FLG: variants seen among roughly 807,000 people sequenced by gnomAD.
FLG encodes the protein filaggrin, also known as epidermal filaggrin.
Under a neutral mutation model 3.8 loss-of-function variants are expected in FLG, and 6 were observed. That is an observed-to-expected ratio of 1.60 (90% CI 0.87 to 3.15). The LOEUF (loss-of-function observed/expected upper bound fraction) is 3.15, where lower values mean the gene tolerates loss of function less well. Among genes scored for constraint, FLG ranks in the 30% most tolerant of loss-of-function variants. FLG has a pLI of 0.00. For synonymous variants in FLG, 2,551 were observed against 1,931.6 expected (o/e 1.32, Z -8.41); for missense variants, 7,595 against 5,050.9 (o/e 1.50, Z -15.27).
In FLG at chr1:152,309,626, G is replaced by A. The variant is rs769696694; in HGVS notation, c.5260C>T (p.Gln1754Ter). 27 of 1,613,868 alleles carry A rather than the reference G, an allele frequency of 1.7e-5. No homozygotes were observed. Among genetic ancestry groups the A allele is most frequent in the Non-Finnish European group, 1.4e-5 (17 of 1,179,990 alleles). ...GAACGTCCAGACCTTTCCCCTGACT[G>A]GCCACGTGTGGACTCTTGGTGGCTC... The part of the protein sequence containing the change: ...QQSHQESTRG[Q>*]SGERSGRSGS... The change falls in exon 3 of 3, where the codon CAG (glutamine) becomes TAG (stop). Residue 1754 changes from glutamine (Q) to a stop codon, truncating the protein, a stop_gained. Coordinates refer to ENST00000368799, the MANE Select transcript of FLG (RefSeq NM_002016.2). LOFTEE classifies it low-confidence loss of function (END_TRUNC).
chr1:152,315,448 A>G lies in FLG; in HGVS notation c.9T>C (p.Thr3=). The change falls in exon 2 of 3, where the codon ACT becomes ACC. Residue 3 remains threonine (T), a synonymous_variant. Coordinates refer to ENST00000368799, the MANE Select transcript of FLG (RefSeq NM_002016.2). ...TTATGGCAAAGATGTTTTCCAGGAG[A>G]GTAGACATCTTTTGGCAATAAATGT... MS[T]LLENIFAIIN... 1.2e-6 allele frequency: 2 copies of G among 1,611,482 alleles called. No individual in the cohort carries two copies. The highest frequency in any genetic ancestry group is 1.7e-6 in the Non-Finnish European group (2 of 1,178,938).
rs778766819 is a variant in FLG at position 152,309,953 on chromosome 1, G to C, written c.4933C>G (p.His1645Asp). Reference sequence around the variant, plus strand: ...GATTGTCTGGAGCTCTCTGCAGAGTGCCCATGACTGGCTCTATCTTCTTGA... The same window carrying C: ...GATTGTCTGGAGCTCTCTGCAGAGTCCCCATGACTGGCTCTATCTTCTTGA... Reference protein sequence around the residue: ...SHQEDRASHGHSAESSRQSGT... With the variant: ...SHQEDRASHGDSAESSRQSGT... Residue 1645 changes from histidine to aspartate, a missense_variant, in exon 3 of 3, where the codon CAC becomes GAC. Physicochemically the swap from His to Asp is moderately conservative, Grantham distance 81. Coordinates refer to ENST00000368799, the MANE Select transcript of FLG (RefSeq NM_002016.2). 2 of 1,614,102 alleles carry C rather than the reference G, an allele frequency of 1.2e-6. No individual in the cohort carries two copies. The highest frequency in any genetic ancestry group is 2.2e-5 in the South Asian group (2 of 91,074).
Position 152,309,980 on chromosome 1 carries a change from G to A in FLG, c.4906C>T (p.His1636Tyr). ...CCATGACTGGCTCTATCTTCTTGAT[G>A]GGACCTGGGGTTCCTGGAGCCATGT... ...SRHGSRNPRS[H>Y]QEDRASHGHS... Residue 1636 changes from histidine (H) to tyrosine (Y), a missense_variant, in exon 3 of 3, where the codon CAT becomes TAT. Coordinates refer to ENST00000368799, the MANE Select transcript of FLG (RefSeq NM_002016.2). The A allele has an allele frequency of 6.2e-7, 1 of 1,614,034 alleles. No individual in the cohort carries two copies. The highest frequency in any genetic ancestry group is 2.2e-5 in the East Asian group (1 of 44,844).
rs139061200 is a variant in FLG, at chr1:152,310,717, G to T, written c.4169C>A (p.Ser1390Tyr). 1,144 of 1,614,002 alleles carry T rather than the reference G, an allele frequency of 7.1e-4. 5 individuals carry two copies. The African/African-American group carries it at 9.1e-3, about 13-fold the overall frequency. ...SAVRDSGHRG[S>Y]SGSQVTNSEG... ...ACTGTTAGTGACCTGACTACCACTG[G>T]ACCCTCGGTGTCCACTGTCTCTGAC... The change falls in exon 3 of 3, where the codon TCC becomes TAC. Residue 1390 changes from serine to tyrosine, a missense_variant. By Grantham distance (144) the Ser-to-Tyr change is moderately radical. Transcript: ENST00000368799.
At chr1:152,316,579 A>G (rs565367949) in intron 1 of FLG, among the ~76,000 whole-genome samples, 1 of 152,250 alleles carries the variant, frequency 6.6e-6, no homozygotes, top group South Asian at 2.1e-4. Flanking sequence ...TAAAGATTGA[A>G]TTTAAAAAAT....
chr1:152,308,053 C>A lies in FLG; in HGVS notation c.6833G>T (p.Gly2278Val). The change falls in exon 3 of 3, where the codon GGC becomes GTC. Residue 2278 changes from glycine to valine, a missense_variant. By Grantham distance (109) the Gly-to-Val change is moderately radical (BLOSUM62 -3). Transcript: ENST00000368799. Reference protein sequence around the residue: ...HGSAQEQSRDGSRHPRSHHED... With the variant: ...HGSAQEQSRDVSRHPRSHHED... ...GTGATGGGACCTGGGGTGTCTGGAG[C>A]CATCTCTTGACTGCTCCTGAGCAGA... 6.2e-7 allele frequency: 1 copy of A among 1,614,118 alleles called. No homozygotes were observed. Among genetic ancestry groups the A allele is most frequent in the Non-Finnish European group, 8.5e-7 (1 of 1,180,028 alleles).
Position 152,310,738 on chromosome 1 carries a change from C to T in FLG, c.4148G>A (p.Arg1383Lys). The change falls in exon 3 of 3, where the codon AGA (arginine) becomes AAA (lysine). Residue 1383 changes from arginine to lysine, a missense_variant. By Grantham distance (26) the Arg-to-Lys change is conservative. Transcript: ENST00000368799. ...IGHRQASSAV[R>K]DSGHRGSSGS... The stretch of plus-strand genomic sequence containing the variant: ...ACTGGACCCTCGGTGTCCACTGTCT[C>T]TGACTGCAGATGAAGCTTGTCTGTG... 6.2e-7 allele frequency: 1 copy of T among 1,614,092 alleles called. No individual in the cohort carries two copies.
intron 1 of FLG, among the ~76,000 whole-genome samples, chr1:152,323,093 T>C (rs1413561194): frequency 2.0e-5 from 3 of 151,610 alleles, no homozygotes; most frequent in Non-Finnish European, 4.4e-5. Context: ...AAGATGGTAG[T>C]GTAGGTCAGT....
rs1652328308 is a variant in FLG, at chr1:152,310,492, C to T, written c.4394G>A (p.Arg1465Lys). Residue 1465 changes from arginine to lysine, a missense_variant, in exon 3 of 3, where the codon AGA becomes AAA. Arg to Lys is a conservative substitution (Grantham distance 26, BLOSUM62 2). Coordinates refer to ENST00000368799, the MANE Select transcript of FLG (RefSeq NM_002016.2). The part of the protein sequence containing the change: ...HGQTAPSTGG[R>K]QGSRHEQARN... Reference sequence around the variant, plus strand: ...TGCCTGCTCATGGCGGGATCCTTGTCTTCCTCCAGTGCTGGGTGCAGTCTG... The same window carrying T: ...TGCCTGCTCATGGCGGGATCCTTGTTTTCCTCCAGTGCTGGGTGCAGTCTG... 1.2e-6 allele frequency: 2 copies of T among 1,613,714 alleles called. No individual in the cohort carries two copies. Among genetic ancestry groups the T allele is most frequent in the South Asian group, 1.1e-5 (1 of 91,064 alleles).
At position 152,311,742 on chromosome 1, in the gene FLG, G is replaced by T; in HGVS notation, c.3144C>A (p.Gly1048=). ...QQSADSSRHS[G]IPRRQASSAV... The stretch of plus-strand genomic sequence containing the variant: ...CAGATGAAGCTTGTCTGCGCGGAAT[G>T]CCTGAGTGTCTGGAGCTGTCTGCTG... The change falls in exon 3 of 3, where the codon GGC becomes GGA. Residue 1048 remains glycine, a synonymous_variant. Transcript: ENST00000368799. 1 of 1,614,032 alleles carries T rather than the reference G, an allele frequency of 6.2e-7. No individual in the cohort carries two copies. The highest frequency in any genetic ancestry group is 8.5e-7 in the Non-Finnish European group (1 of 1,180,000).
chr1:152,313,151 C>T lies in FLG; in HGVS notation c.1735G>A (p.Asp579Asn), dbSNP rs758382266. 1.2e-6 allele frequency: 2 copies of T among 1,613,876 alleles called. No individual in the cohort carries two copies. Among genetic ancestry groups the T allele is most frequent in the South Asian group, 1.1e-5 (1 of 91,068 alleles). The change falls in exon 3 of 3, where the codon GAC (aspartate) becomes AAC (asparagine). Residue 579 changes from aspartate (D) to asparagine (N), a missense_variant. Asp to Asn is a conservative substitution (Grantham distance 23). Transcript: ENST00000368799. ...RQTRNEEQSG[D>N]GTRHSGSRHH... is the part of the protein sequence containing the mutation. ...CGTGACCCTGAGTGCCTGGTGCCGTCTCCTGATTGTTCCTCATTTCGTGTT... is the reference window on the plus strand; with the variant it reads ...CGTGACCCTGAGTGCCTGGTGCCGTTTCCTGATTGTTCCTCATTTCGTGTT...
rs200637568 is a variant in FLG at position 152,307,231 on chromosome 1, C to G, written c.7655G>C (p.Gly2552Ala). The change falls in exon 3 of 3, where the codon GGA (glycine) becomes GCA (alanine). Residue 2552 changes from glycine to alanine, a missense_variant. Transcript: ENST00000368799. ...DSSGHSQVGQ[G>A]QSEGPRTSRN... ...GCTTGTCCTGGGCCCCTCTGATTGT[C>G]CCTGGCCCACCTGCGAGTGTCCAGA... 72 of 1,612,874 alleles carry G rather than the reference C, an allele frequency of 4.5e-5. 1 individual carries two copies. The East Asian group carries it at 1.0e-3, about 23-fold the overall frequency.
Position 152,307,062 on chromosome 1 carries a change from G to A in FLG, c.7824C>T (p.Ser2608=). The stretch of plus-strand genomic sequence containing the variant: ...CATGACCAGCTCTGTCTTCTTGATG[G>A]GACCTGGGGTGTCTGGAGCCATCTC... ...QLRDGSRHPR[S]HQEDRAGHGH... is the part of the protein sequence containing the mutation. Residue 2608 remains serine (S), a synonymous_variant, in exon 3 of 3, where the codon TCC becomes TCT. Transcript: ENST00000368799. The A allele has an allele frequency of 1.9e-6, 3 of 1,608,138 alleles. No individual in the cohort carries two copies. The highest frequency in any genetic ancestry group is 2.5e-6 in the Non-Finnish European group (3 of 1,179,240).
At position 152,313,911 on chromosome 1, in the gene FLG, C is replaced by A. The variant is rs146115338; in HGVS notation, c.975G>T (p.Ala325=). 19 of 1,613,998 alleles carry A rather than the reference C, an allele frequency of 1.2e-5. No individual in the cohort carries two copies. In the South Asian group the frequency reaches 1.5e-4, roughly 13 times the overall value. Residue 325 remains alanine, a synonymous_variant, in exon 3 of 3, where the codon GCG becomes GCT. Coordinates refer to ENST00000368799, the MANE Select transcript of FLG (RefSeq NM_002016.2). ...GSASRNHHGS[A]WEQSRDGSRH... ...TGGAGCCATCTCTTGACTGCTCCCA[C>A]GCAGATCCATGATGGTTTCTGGAAG...
rs149105551 is a variant in FLG at position 152,309,494 on chromosome 1, G to A, written c.5392C>T (p.Arg1798Ter). 1.5e-4 allele frequency: 242 copies of A among 1,613,748 alleles called. 2 individuals are homozygous for A. The highest frequency in any genetic ancestry group is 3.8e-4 in the South Asian group (35 of 91,054). ...GACGCTGAGTGCCTGGAGCTGTCTC[G>A]TGCCTGCTCGTGGCGGGATCTTTGT... ...GRQRSRHEQA[R>*]DSSRHSASQE... Residue 1798 changes from arginine to a stop codon, truncating the protein, a stop_gained, in exon 3 of 3, where the codon CGA (arginine) becomes TGA (stop). Transcript: ENST00000368799. LOFTEE classifies it low-confidence loss of function (END_TRUNC).
chr1:152,303,348 G>T lies in FLG; in HGVS notation c.11538C>A (p.Gly3846=). The T allele has an allele frequency of 6.2e-7, 1 of 1,614,102 alleles. No individual in the cohort carries two copies. Among genetic ancestry groups the T allele is most frequent in the Non-Finnish European group, 8.5e-7 (1 of 1,180,004 alleles). ...TCCTGGACCCCGCTGATTCACCCTG[G>T]CCGGACTGTGAGTGTCTAGAGCTGT... The part of the protein sequence containing the change: ...QADSSRHSQS[G]QGESAGSRRS... Residue 3846 remains glycine (G), a synonymous_variant, in exon 3 of 3, where the codon GGC becomes GGA. Transcript: ENST00000368799.
chr1:152,307,524 C>T lies in FLG; in HGVS notation c.7362G>A (p.Thr2454=), dbSNP rs144122917. The change falls in exon 3 of 3, where the codon ACG becomes ACA. Residue 2454 remains threonine (T), a synonymous_variant. Coordinates refer to ENST00000368799, the MANE Select transcript of FLG (RefSeq NM_002016.2). ...KQARDSSRHS[T]SQEGQDTIHG... ...GAATGGTGTCCTGACCCTCTTGGGACGTTGAGTGCCTGGAGCTGTCTCGTG... is the reference window on the plus strand; with the variant it reads ...GAATGGTGTCCTGACCCTCTTGGGATGTTGAGTGCCTGGAGCTGTCTCGTG... 7.5e-4 allele frequency: 1,216 copies of T among 1,613,078 alleles called. 5 individuals are homozygous for T. Among genetic ancestry groups the T allele is most frequent in the Middle Eastern group, 2.8e-3 (17 of 6,054 alleles).
Position 152,302,202 on chromosome 1 carries a change from C to A in FLG, c.*498G>T. 1 of 163,478 alleles carries A rather than the reference C, an allele frequency of 6.1e-6. No individual in the cohort carries two copies. The highest frequency in any genetic ancestry group is 1.3e-5 in the Non-Finnish European group (1 of 74,408). The allele number at this position is 163,478 out of a possible 1,614,324, so 10.1% of individuals were successfully genotyped here. On this transcript the variant is annotated 3_prime_UTR_variant, in exon 3 of 3. Transcript: ENST00000368799. ...TAGTTTATTTTTAATTTAGATGCAG[C>A]TTACTATAATATTAATTATGTCCAA...
Position 152,310,166 on chromosome 1 carries a change from A to T in FLG, c.4720T>A (p.Ser1574Thr). 6.2e-7 allele frequency: 1 copy of T among 1,613,608 alleles called. No individual in the cohort carries two copies. The highest frequency in any genetic ancestry group is 8.5e-7 in the Non-Finnish European group (1 of 1,179,886). The change falls in exon 3 of 3, where the codon TCA becomes ACA. Residue 1574 changes from serine to threonine, a missense_variant. Coordinates refer to ENST00000368799, the MANE Select transcript of FLG (RefSeq NM_002016.2). ...GCTGATTCTCCCTGGCCCACCTGTGAGTGTCTAGAGCTGCCGGCCCGAGTG... is the reference window on the plus strand; with the variant it reads ...GCTGATTCTCCCTGGCCCACCTGTGTGTGTCTAGAGCTGCCGGCCCGAGTG... ...PSTRAGSSRH[S>T]QVGQGESAGS...
Sources: gnomAD v4.1 joint callset for allele counts (sites outside exome capture counted in the v4.1 genomes callset) on GRCh38, gnomAD v4.1.1 for gene constraint, MANE v1.5 for transcripts, NCBI Gene and HGNC (gene_info 2026-07-23, HGNC 2026-07-21) for gene names.